PRKCE: variants seen among roughly 807,000 people sequenced by gnomAD.
PRKCE encodes the protein protein kinase C epsilon type.
In PRKCE, 16 loss-of-function variants were observed where a neutral mutation model predicts 85.4. The observed-to-expected ratio is 0.19, with a 90% CI of 0.13 to 0.28. The LOEUF (loss-of-function observed/expected upper bound fraction) is 0.28. Among genes scored for constraint, PRKCE ranks in the 10% least tolerant of loss-of-function variants. The pLI is 1.00. For synonymous variants in PRKCE, 388 were observed against 371.5 expected (o/e 1.04, Z -0.51); for missense variants, 573 against 975.2 (o/e 0.59, Z 5.49).
At chr2:45,914,034 T>A (rs77181095) in intron 2 of PRKCE, among the ~76,000 whole-genome samples, 4,314 of 152,330 alleles carry the variant, frequency 0.028, 82 homozygotes, top group Non-Finnish European at 0.04. Context: ...CTTCCTGGAT[T>A]GAAACCGTTA....
At chr2:45,740,374 A>T (rs1464651145) in intron 1 of PRKCE, among the ~76,000 whole-genome samples, 1 of 152,130 alleles carries the variant, frequency 6.6e-6, no homozygotes, top group Non-Finnish European at 1.5e-5. Flanking sequence ...TCTCCACTCC[A>T]ATTCTGTAGC....
At chr2:46,021,937 C>G (rs532751486) in intron 10 of PRKCE, among the ~76,000 whole-genome samples, 2 of 152,282 alleles carry the variant, frequency 1.3e-5, no homozygotes, top group African/African-American at 4.8e-5. Context: ...GGAGCTTCTA[C>G]ATAGTCTATT....
chr2:45,849,324 C>T (rs550247044), intron 2 of PRKCE, among the ~76,000 whole-genome samples: 14 of 152,204 alleles, frequency 9.2e-5, no homozygotes, highest in Non-Finnish European at 1.5e-4. Context: ...TTTAGAAGAT[C>T]AAGCCCAGGT....
At chr2:46,063,251 A>G (rs543609735) in intron 10 of PRKCE, among the ~76,000 whole-genome samples, 7 of 152,162 alleles carry the variant, frequency 4.6e-5, no homozygotes, top group African/African-American at 1.7e-4. Flanking sequence ...CTTTAGGCTT[A>G]GATAGCTAGG....
chr2:45,660,790 C>A (rs1311694579), intron 1 of PRKCE, among the ~76,000 whole-genome samples: 1 of 152,186 alleles, frequency 6.6e-6, no homozygotes, highest in Non-Finnish European at 1.5e-5. Flanking sequence ...TGCTAATCAG[C>A]ATGGTTGCAC....
chr2:45,816,511 G>A (rs1300118368), intron 1 of PRKCE, among the ~76,000 whole-genome samples: 2 of 152,172 alleles, frequency 1.3e-5, no homozygotes, highest in African/African-American at 4.8e-5. Flanking sequence ...GTGTCAACTA[G>A]GGAGCTGGCA....
intron 2 of PRKCE, among the ~76,000 whole-genome samples, chr2:45,871,667 T>C (rs927624366): frequency 1.3e-5 from 2 of 152,222 alleles, no homozygotes; most frequent in African/African-American, 4.8e-5. Context: ...AACCCCATCC[T>C]GAGGGTATTT....
At chr2:46,094,282 T>A (rs568181340) in intron 11 of PRKCE, among the ~76,000 whole-genome samples, 2 of 152,336 alleles carry the variant, frequency 1.3e-5, no homozygotes, top group East Asian at 3.9e-4. Context: ...CCTTCCTCTT[T>A]CTTTGTATAC....
chr2:46,114,027 C>T (rs534717670), intron 11 of PRKCE, among the ~76,000 whole-genome samples: 5 of 152,182 alleles, frequency 3.3e-5, no homozygotes, highest in African/African-American at 7.2e-5. Context: ...TTGGGTTTAA[C>T]GGGAAGGAAA....
intron 1 of PRKCE, among the ~76,000 whole-genome samples, chr2:45,751,809 A>ATTTTTTTTTTTTTTT (rs34589907): frequency 2.5e-5 from 2 of 78,506 alleles, no homozygotes; most frequent in African/African-American, 5.7e-5. Context: ...GCTAACCACT[A>ATTTTTTTTTTTTTTT]TTTTTTTTTT....
At chr2:46,096,401 C>G (rs1670682843) in intron 11 of PRKCE, among the ~76,000 whole-genome samples, 1 of 152,166 alleles carries the variant, frequency 6.6e-6, no homozygotes, top group Non-Finnish European at 1.5e-5. Flanking sequence ...GCCCCCAACC[C>G]CCAGATTCTT....
chr2:45,889,130 T>C (rs1274731763), intron 2 of PRKCE, among the ~76,000 whole-genome samples: 1 of 152,148 alleles, frequency 6.6e-6, no homozygotes, highest in Non-Finnish European at 1.5e-5. Flanking sequence ...GCATTTAGCT[T>C]AAGAAAAATA....
At chr2:45,819,682 C>T (rs557636011) in intron 1 of PRKCE, among the ~76,000 whole-genome samples, 2 of 152,162 alleles carry the variant, frequency 1.3e-5, no homozygotes, top group Non-Finnish European at 2.9e-5. Context: ...GCCTGGATGA[C>T]ACTGTATAGC....
At chr2:45,659,247 A>G (rs1439850902) in intron 1 of PRKCE, among the ~76,000 whole-genome samples, 1 of 151,888 alleles carries the variant, frequency 6.6e-6, no homozygotes, top group African/African-American at 2.4e-5. Context: ...AGAAATGGCA[A>G]CTCCATCCTT....
At chr2:45,707,752 A>G (rs900905706) in intron 1 of PRKCE, among the ~76,000 whole-genome samples, 9 of 152,246 alleles carry the variant, frequency 5.9e-5, no homozygotes, top group Non-Finnish European at 1.2e-4. Flanking sequence ...TAAAATGGAA[A>G]TAGCTCCTGC....
intron 1 of PRKCE, among the ~76,000 whole-genome samples, chr2:45,735,338 C>T (rs925395864): frequency 2.0e-5 from 3 of 152,184 alleles, no homozygotes; most frequent in South Asian, 2.1e-4. Context: ...AAATATATCT[C>T]GGAACTGTTT....
chr2:45,933,743 T>C (rs963096921), intron 2 of PRKCE, among the ~76,000 whole-genome samples: 1 of 152,160 alleles, frequency 6.6e-6, no homozygotes, highest in Non-Finnish European at 1.5e-5. Flanking sequence ...CCCAAGGTGC[T>C]GGGATTACAG....
At chr2:46,055,909 C>T (rs994973926) in intron 10 of PRKCE, among the ~76,000 whole-genome samples, 7 of 152,256 alleles carry the variant, frequency 4.6e-5, no homozygotes, top group East Asian at 1.9e-4. Flanking sequence ...ATGATCTGCC[C>T]GCCTTGGCCT....
intron 14 of PRKCE, among the ~76,000 whole-genome samples, chr2:46,178,464 T>G (rs529364132): frequency 2.4e-4 from 36 of 152,348 alleles, no homozygotes; most frequent in African/African-American, 8.2e-4. Context: ...GAGAGTTAGA[T>G]TCTCATTTTT....
Sources: allele counts gnomAD v4.1 joint callset (sites outside exome capture counted in the v4.1 genomes callset), GRCh38; gene constraint gnomAD v4.1.1; transcripts MANE v1.5; gene names NCBI Gene and HGNC (gene_info 2026-07-23, HGNC 2026-07-21).